The following SEMA4B variants were observed in gnomAD, a reference collection of about 807,000 sequenced individuals.
The protein encoded by SEMA4B is semaphorin 4B.
A neutral mutation model predicts 88.1 loss-of-function variants in SEMA4B; 55 were observed. The observed-to-expected ratio is 0.62, with a 90% CI of 0.50 to 0.78. The LOEUF (loss-of-function observed/expected upper bound fraction) is 0.78, where lower values mean the gene tolerates loss of function less well. Among genes scored for constraint, SEMA4B ranks in the 30% least tolerant of loss-of-function variants. SEMA4B has a pLI of 0.00. For synonymous variants in SEMA4B, 525 were observed against 473.6 expected, an observed-to-expected ratio of 1.11 and a Z score of -1.41; for missense variants, 1,062 against 1,111.9, an observed-to-expected ratio of 0.96 and a Z score of 0.64.
At chr15:90,222,880 A>C in intron 7 of SEMA4B, among the ~76,000 whole-genome samples, 1 of 141,302 alleles carries the variant, frequency 7.1e-6, no homozygotes, top group South Asian at 2.1e-4. Flanking sequence ...CAGCACAAGA[A>C]GGAGTCACTG....
upstream of SEMA4B, among the ~76,000 whole-genome samples, chr15:90,196,709 G>C (rs558799936): frequency 2.6e-5 from 4 of 151,776 alleles, no homozygotes; most frequent in Admixed American, 2.0e-4. Flanking sequence ...GGATGGTCTC[G>C]ATCTCCTGAC....
chr15:90,185,455 C>T (rs1960136255), intron 1 of SEMA4B, among the ~76,000 whole-genome samples: 1 of 152,246 alleles, frequency 6.6e-6, no homozygotes, highest in Non-Finnish European at 1.5e-5. Flanking sequence ...CCGAGTTAGG[C>T]CCTTTGTCAT....
At chr15:90,186,413 A>G (rs1426674531) in intron 1 of SEMA4B, among the ~76,000 whole-genome samples, 1 of 150,796 alleles carries the variant, frequency 6.6e-6, no homozygotes, top group East Asian at 2.0e-4. Flanking sequence ...TGAGCTCAGG[A>G]GTTTGAAACC....
intron 1 of SEMA4B, among the ~76,000 whole-genome samples, chr15:90,195,490 C>T (rs929829012): frequency 6.6e-6 from 1 of 152,150 alleles, no homozygotes; most frequent in Non-Finnish European, 1.5e-5. Context: ...AGAGTCCAGG[C>T]TAGTTGTCTT....
At chr15:90,224,018 G>T in intron 9 of SEMA4B, 30 bp downstream of exon 9, 1 of 1,588,832 alleles carries the variant, frequency 6.3e-7, no homozygotes, top group Non-Finnish European at 8.6e-7. Flanking sequence ...ACCCAGAAGG[G>T]GTGCCGGGAA....
chr15:90,187,920 G>A (rs900625056), intron 1 of SEMA4B, among the ~76,000 whole-genome samples: 8 of 151,206 alleles, frequency 5.3e-5, no homozygotes, highest in Non-Finnish European at 7.4e-5. Flanking sequence ...CAAGAGAATC[G>A]CTTGAACCCA....
chr15:90,228,221 G>A lies in SEMA4B; in HGVS notation c.2092G>A (p.Val698Met), dbSNP rs762480526. ...SVPVIISTSR[V>M]SAPAGGKASW... ...ACCCGTCATTATCAGCACATCGCGT[G>A]TGAGTGCACCAGCTGGTGGCAAGGC... The change falls in exon 14 of 14, where the codon GTG (valine) becomes ATG (methionine). Residue 698 changes from valine to methionine, a missense_variant. Val to Met is a conservative substitution (Grantham distance 21, BLOSUM62 1). Coordinates refer to ENST00000411539, the MANE Select transcript of SEMA4B (RefSeq NM_198925.4). The A allele has an allele frequency of 8.7e-6, 14 of 1,607,184 alleles. No homozygotes were observed. Among genetic ancestry groups the A allele is most frequent in the Non-Finnish European group, 2.5e-6 (3 of 1,176,504 alleles).
chr15:90,201,715 C>A lies in SEMA4B; in HGVS notation c.137C>A (p.Pro46His). Residue 46 changes from proline to histidine, a missense_variant, in exon 1 of 14, where the codon CCC (proline) becomes CAC (histidine). Pro to His is a moderately conservative substitution (Grantham distance 77). Coordinates refer to ENST00000411539, the MANE Select transcript of SEMA4B (RefSeq NM_198925.4). ...QPPPPTWALS[P>H]RISLPLGSEE... ...CCGCCTCCGACCTGGGCGCTCAGCC[C>A]CCGGATCAGCCTGCCTCTGGGTGAG... 6.7e-7 allele frequency: 1 copy of A among 1,488,274 alleles called. No homozygotes were observed. Among genetic ancestry groups the A allele is most frequent in the East Asian group, 2.7e-5 (1 of 37,136 alleles). 92.2% of individuals were successfully genotyped at this position (1,488,274 alleles called of 1,614,324 possible).
At position 90,221,086 on chromosome 15, in the gene SEMA4B, G is replaced by A. The variant is rs1480800559; in HGVS notation, c.588G>A (p.Leu196=). ...PFDPNFKSTA[L]VVDGELYTGT... ...ACCCGAATTTCAAGTCCACTGCCCT[G>A]GTGGTTGGTGAGTGTTGAGGGCAGG... The change falls in exon 5 of 14, where the codon CTG becomes CTA. Residue 196 remains leucine (L), a synonymous_variant. Coordinates refer to ENST00000411539, the MANE Select transcript of SEMA4B (RefSeq NM_198925.4). 1 of 1,602,380 alleles carries A rather than the reference G, an allele frequency of 6.2e-7. No homozygotes were observed. Among genetic ancestry groups the A allele is most frequent in the Non-Finnish European group, 8.5e-7 (1 of 1,174,104 alleles).
intron 1 of SEMA4B, among the ~76,000 whole-genome samples, chr15:90,213,568 A>T (rs148319955): frequency 9.0e-4 from 137 of 152,316 alleles, no homozygotes; most frequent in African/African-American, 3.2e-3. Context: ...GTAGTGCCCG[A>T]GGCAGGTTTC....
At position 90,228,200 on chromosome 15, in the gene SEMA4B, G is replaced by A. The variant is rs377147618; in HGVS notation, c.2071G>A (p.Val691Ile). ...AACAGATGAGGGTGGCAGTGTACCCGTCATTATCAGCACATCGCGTGTGAG... is the reference window on the plus strand; with the variant it reads ...AACAGATGAGGGTGGCAGTGTACCCATCATTATCAGCACATCGCGTGTGAG... ...DQTDEGGSVP[V>I]IISTSRVSAP... Residue 691 changes from valine to isoleucine, a missense_variant, in exon 14 of 14, where the codon GTC becomes ATC. Val to Ile is a conservative substitution (Grantham distance 29). Coordinates refer to ENST00000411539, the MANE Select transcript of SEMA4B (RefSeq NM_198925.4). The A allele has an allele frequency of 5.8e-5, 94 of 1,610,114 alleles. No homozygotes were observed. Among genetic ancestry groups the A allele is most frequent in the Non-Finnish European group, 6.9e-5 (81 of 1,178,158 alleles).
rs1310192351 is a variant in SEMA4B, at chr15:90,225,493, G to C, written c.1521+96G>C. The C allele has an allele frequency of 3.0e-6, 4 of 1,342,130 alleles. No homozygotes were observed. In the African/African-American group the frequency reaches 4.4e-5, roughly 15 times the overall value. The allele number at this position is 1,342,130 out of a possible 1,614,324, so 83.1% of individuals were successfully genotyped here. ...ACCCAGCTTCTCCTCCCTTGCCTCAGGAGGATGGAAAGATAAAGGATCCAG... is the reference window on the plus strand; with the variant it reads ...ACCCAGCTTCTCCTCCCTTGCCTCACGAGGATGGAAAGATAAAGGATCCAG... On this transcript the variant is annotated intron_variant, in intron 11 of 13. Coordinates refer to ENST00000411539, the MANE Select transcript of SEMA4B (RefSeq NM_198925.4).
intron 1 of SEMA4B, among the ~76,000 whole-genome samples, chr15:90,215,309 A>C (rs1961482578): frequency 6.6e-6 from 1 of 152,124 alleles, no homozygotes; most frequent in Admixed American, 6.5e-5. Context: ...CAAGTAAAAA[A>C]GAAAAGAAAG....
chr15:90,209,775 G>A (rs563980963), intron 1 of SEMA4B, among the ~76,000 whole-genome samples: 15 of 152,212 alleles, frequency 9.9e-5, no homozygotes, highest in Non-Finnish European at 1.5e-4. Flanking sequence ...GGATGAGTGT[G>A]AGTTAGTCAA....
In SEMA4B at chr15:90,212,121, C is replaced by T. The variant is rs959602956; in HGVS notation, c.158-5318C>T. Among the ~76,000 whole-genome samples the T allele has an allele frequency of 1.3e-5, 2 of 150,126 alleles. No individual in the cohort carries two copies. Among genetic ancestry groups the T allele is most frequent in the Non-Finnish European group, 3.0e-5 (2 of 67,684 alleles). ...ACATGGGGCTGAGGGCTGAGTATTC[C>T]CACATCACTTCCTACTCAGAACCCC... On this transcript the variant is annotated intron_variant, in intron 1 of 13. Transcript: ENST00000411539. This position sits in a 1 kb window ranked among gnomAD's most constrained non-coding sequence, Gnocchi z 4.0.
At position 90,228,721 on chromosome 15, in the gene SEMA4B, G is replaced by A. The variant is rs775221038; in HGVS notation, c.*78G>A. ...AGAGGGTCAACTGGACCTCCCCTCCGCTCTGCTCTTCGTGGAACACGACCG... is the reference window on the plus strand; with the variant it reads ...AGAGGGTCAACTGGACCTCCCCTCCACTCTGCTCTTCGTGGAACACGACCG... On this transcript the variant is annotated 3_prime_UTR_variant, in exon 14 of 14. Coordinates refer to ENST00000411539, the MANE Select transcript of SEMA4B (RefSeq NM_198925.4). 1.1e-4 allele frequency: 168 copies of A among 1,569,486 alleles called. No individual in the cohort carries two copies. The highest frequency in any genetic ancestry group is 1.3e-4 in the Non-Finnish European group (154 of 1,153,224).
intron 1 of SEMA4B, among the ~76,000 whole-genome samples, chr15:90,187,277 G>A (rs190035936): frequency 1.3e-5 from 2 of 152,348 alleles, no homozygotes; most frequent in South Asian, 2.1e-4. Context: ...GCCTCTATCC[G>A]TGTGGTGCTG....
At chr15:90,222,954 G>GTATATATATATATA (rs5814418) in intron 7 of SEMA4B, among the ~76,000 whole-genome samples, 4 of 130,618 alleles carry the variant, frequency 3.1e-5, no homozygotes, top group African/African-American at 1.2e-4. Context: ...GTAACTCTGT[G>GTATATATATATATA]TATATATATA....
At chr15:90,210,148 T>C (rs1159211008) in intron 1 of SEMA4B, among the ~76,000 whole-genome samples, 3 of 152,088 alleles carry the variant, frequency 2.0e-5, no homozygotes, top group African/African-American at 7.2e-5. Context: ...GATTTGATTA[T>C]AGACTGGACT....
Sources: gnomAD v4.1 joint callset for allele counts (sites outside exome capture counted in the v4.1 genomes callset) on GRCh38, gnomAD v4.1.1 for gene constraint, Gnocchi (gnomAD v3.1) non-coding constraint, MANE v1.5 for transcripts, NCBI Gene and HGNC (gene_info 2026-07-23, HGNC 2026-07-21) for gene names.